The following LPAR6 variants were observed in gnomAD, a reference collection of about 807,000 sequenced individuals.
LPAR6 encodes G-protein coupled purinergic receptor P2Y5.
Under a neutral mutation model 22.0 loss-of-function variants are expected in LPAR6, and 17 were observed. The observed-to-expected ratio is 0.77, with a 90% CI of 0.53 to 1.16. LPAR6 has a LOEUF of 1.16. Ranked by LOEUF, LPAR6 falls within the 50% of genes most tolerant of loss-of-function variation. The pLI is 0.00. For missense variants in LPAR6, 384 were observed against 406.9 expected (o/e 0.94, Z 0.48); for synonymous variants, 136 against 139.8 (o/e 0.97, Z 0.19).
At chr13:48,436,284 T>C (rs1315326530) in intron 1 of LPAR6, among the ~76,000 whole-genome samples, 1 of 152,214 alleles carries the variant, frequency 6.6e-6, no homozygotes, top group Non-Finnish European at 1.5e-5. Flanking sequence ...GTTGGAAATA[T>C]GGATCTAGAA....
chr13:48,390,995 CTTA>C (rs1948606789), intron 1 of LPAR6, among the ~76,000 whole-genome samples: 1 of 152,108 alleles, frequency 6.6e-6, no homozygotes, highest in Admixed American at 6.6e-5. Context: ...AATTCTCCAT[CTTA>C]TTATTCATTT....
At chr13:48,429,237 T>G (rs548544421), upstream of LPAR6, 3 of 152,254 alleles carry the variant, frequency 2.0e-5, no homozygotes, top group South Asian at 2.1e-4. Flanking sequence ...AGAAAAGATA[T>G]GAGGGGGCAA....
At chr13:48,443,450 G>A (rs1311917538) in intron 1 of LPAR6, among the ~76,000 whole-genome samples, 1 of 152,124 alleles carries the variant, frequency 6.6e-6, no homozygotes, top group Non-Finnish European at 1.5e-5. Flanking sequence ...TATTTCTAAT[G>A]TATTAAGTCA....
upstream of LPAR6, among the ~76,000 whole-genome samples, chr13:48,430,648 G>A (rs1184421827): frequency 6.6e-6 from 1 of 152,206 alleles, no homozygotes; most frequent in Admixed American, 6.5e-5. Flanking sequence ...GCTGAGGCAG[G>A]AGAATGGCTT....
intron 1 of LPAR6, among the ~76,000 whole-genome samples, chr13:48,393,779 AT>A (rs141872469): frequency 0.015 from 2,245 of 152,288 alleles, 47 homozygotes; most frequent in African/African-American, 0.048. Flanking sequence ...TTTGTATTAA[AT>A]TTTGGTACGT....
At chr13:48,391,841 A>T in intron 1 of LPAR6, among the ~76,000 whole-genome samples, 1 of 151,858 alleles carries the variant, frequency 6.6e-6, no homozygotes, top group East Asian at 1.9e-4. Context: ...CTGGTCTCGA[A>T]CTCCTGACCT....
chr13:48,439,430 A>G (rs1207258743), intron 1 of LPAR6, among the ~76,000 whole-genome samples: 1 of 152,054 alleles, frequency 6.6e-6, no homozygotes, highest in Non-Finnish European at 1.5e-5. Flanking sequence ...ACTTTGAATC[A>G]TTAATCATAG....
chr13:48,423,831 G>A (rs993156038), intron 1 of LPAR6, among the ~76,000 whole-genome samples: 1 of 152,180 alleles, frequency 6.6e-6, no homozygotes, highest in Non-Finnish European at 1.5e-5. Context: ...GATCACTTAA[G>A]GCCATAGGAG....
intron 2 of LPAR6, among the ~76,000 whole-genome samples, chr13:48,420,100 G>C (rs1010096925): frequency 6.6e-6 from 1 of 152,092 alleles, no homozygotes; most frequent in Non-Finnish European, 1.5e-5. Flanking sequence ...GAAAATTTCG[G>C]CCAATATCCT....
intron 1 of LPAR6, chr13:48,424,007 A>G (rs901721418): frequency 6.5e-6 from 1 of 152,696 alleles, no homozygotes; most frequent in South Asian, 2.1e-4. Flanking sequence ...GTCATTTTGC[A>G]TGCAGCAAAT....
chr13:48,431,614 G>A (rs1212866195), upstream of LPAR6, among the ~76,000 whole-genome samples: 1 of 152,042 alleles, frequency 6.6e-6, no homozygotes, highest in Non-Finnish European at 1.5e-5. Context: ...GTTTTCACAT[G>A]TTTGGAAAAT....
Position 48,411,451 on chromosome 13 carries a change from A to T in LPAR6, c.973T>A (p.Phe325Ile). ...RFSEVHGAEN[F>I]IQHNLQTLKS... ...AAGGTCTGTAGGTTATGCTGAATAA[A>T]ATTCTCTGCACCATGAACTTCAGAG... is the stretch of plus-strand genomic sequence containing the variant. Residue 325 changes from phenylalanine to isoleucine, a missense_variant, in exon 1 of 1, where the codon TTT (phenylalanine) becomes ATT (isoleucine). Coordinates refer to ENST00000620633, the MANE Select transcript of LPAR6 (RefSeq NM_001162498.3). The T allele has an allele frequency of 6.2e-7, 1 of 1,613,406 alleles. No individual in the cohort carries two copies.
At chr13:48,433,105 A>G (rs1949146777) in intron 1 of LPAR6, among the ~76,000 whole-genome samples, 1 of 152,138 alleles carries the variant, frequency 6.6e-6, no homozygotes, top group Admixed American at 6.5e-5. Context: ...ATTTTAAACA[A>G]TATGAGAAAT....
chr13:48,424,073 A>G (rs964188431), intron 1 of LPAR6: 1 of 152,670 alleles, frequency 6.6e-6, no homozygotes, highest in African/African-American at 2.4e-5. Context: ...TGCAAAAAGC[A>G]GTTTTCTCAT....
At chr13:48,437,976 T>C (rs1196935876) in intron 1 of LPAR6, among the ~76,000 whole-genome samples, 1 of 152,188 alleles carries the variant, frequency 6.6e-6, no homozygotes, top group Non-Finnish European at 1.5e-5. Flanking sequence ...TTTGCTGTAG[T>C]TAATTTGACT....
At chr13:48,392,918 A>G (rs1190335712) in intron 1 of LPAR6, among the ~76,000 whole-genome samples, 1 of 152,172 alleles carries the variant, frequency 6.6e-6, no homozygotes, top group East Asian at 1.9e-4. Flanking sequence ...CAATTAAATT[A>G]TCTGGAAATA....
intron 1 of LPAR6, among the ~76,000 whole-genome samples, chr13:48,441,985 G>A (rs796788768): frequency 9.9e-5 from 15 of 152,228 alleles, no homozygotes; most frequent in African/African-American, 3.1e-4. Flanking sequence ...GTACAAGCAT[G>A]TTTATTTCTG....
chr13:48,408,531 T>A (rs1193340884), downstream of LPAR6: 2 of 152,096 alleles, frequency 1.3e-5, no homozygotes, highest in African/African-American at 2.4e-5. Flanking sequence ...TTTCAGGTAA[T>A]CAAAAGTAAA....
chr13:48,429,909 G>A (rs1949112510), upstream of LPAR6, among the ~76,000 whole-genome samples: 1 of 152,122 alleles, frequency 6.6e-6, no homozygotes, highest in Middle Eastern at 3.2e-3. Context: ...CTTTAATAAA[G>A]GCCATAAGAG....
Sources: gnomAD v4.1 joint callset for allele counts (sites outside exome capture counted in the v4.1 genomes callset) on GRCh38, gnomAD v4.1.1 for gene constraint, MANE v1.5 for transcripts, NCBI Gene and HGNC (gene_info 2026-07-23, HGNC 2026-07-21) for gene names.